OC90: variants seen among roughly 807,000 people sequenced by gnomAD.
OC90 encodes otoconin 90.
A neutral mutation model predicts 47.3 loss-of-function variants in OC90; 46 were observed. The ratio of observed to expected loss-of-function variants is 0.97; its 90% CI spans 0.77 to 1.24. OC90 has a LOEUF of 1.24. OC90 is among the 50% of genes most tolerant of loss of function. The pLI is 0.00. For synonymous variants in OC90, 271 were observed against 219.5 expected, an observed-to-expected ratio of 1.23 and a Z score of -2.07; for missense variants, 688 against 583.9, an observed-to-expected ratio of 1.18 and a Z score of -1.84.
At chr8:132,028,284 A>C (rs1286189919) in intron 13 of OC90, among the ~76,000 whole-genome samples, 3 of 152,046 alleles carry the variant, frequency 2.0e-5, no homozygotes, top group Admixed American at 2.0e-4. Context: ...TGGGCAGATC[A>C]CAAGGTCAGG....
chr8:132,054,924 T>C (rs748655023), intron 2 of OC90, 57 bp downstream of exon 2: 1 of 1,296,036 alleles, frequency 7.7e-7, no homozygotes, highest in African/African-American at 1.5e-5. Flanking sequence ...GGGACAGTAT[T>C]CAAATGAAGT....
chr8:132,037,821 G>T (rs1822991985), intron 8 of OC90, among the ~76,000 whole-genome samples: 1 of 152,180 alleles, frequency 6.6e-6, no homozygotes, highest in Non-Finnish European at 1.5e-5. Context: ...GAGGCAGGGG[G>T]TGTTGAGGAT....
chr8:132,032,912 G>T, intron 11 of OC90, 127 bp downstream of exon 11: 1 of 1,073,022 alleles, frequency 9.3e-7, no homozygotes. Context: ...ATGCAGTCAG[G>T]GGGATGATGT....
At chr8:132,033,014 G>C in intron 11 of OC90, 25 bp downstream of exon 11, 2 of 1,602,718 alleles carry the variant, frequency 1.2e-6, no homozygotes, top group South Asian at 1.1e-5. Context: ...CAGCAGCGGA[G>C]AGGACAGACA....
intron 13 of OC90, among the ~76,000 whole-genome samples, chr8:132,027,722 A>T (rs1393317691): frequency 1.3e-5 from 2 of 152,186 alleles, no homozygotes; most frequent in Admixed American, 6.5e-5. Context: ...CCCTGAAGGG[A>T]TACAGAGGAG....
chr8:132,032,011 T>C lies in OC90; in HGVS notation c.901A>G (p.Asn301Asp). 6.2e-7 allele frequency: 1 copy of C among 1,613,998 alleles called. No individual in the cohort carries two copies. The highest frequency in any genetic ancestry group is 8.5e-7 in the Non-Finnish European group (1 of 1,179,860). ...FTFLHLGSGD[N>D]MQVMPQLGEM... is the part of the protein sequence containing the mutation. ...CCAAGCTGTGGCATCACCTGCATGT[T>C]GTCCCCACTTCCCAGGTGCAGGAAG... Residue 301 changes from asparagine (N) to aspartate (D), a missense_variant, in exon 12 of 14, where the codon AAC (asparagine) becomes GAC (aspartate). Coordinates refer to ENST00000254627, the MANE Select transcript of OC90 (RefSeq NM_001080399.3).
chr8:132,046,688 C>T (rs1823138480), intron 2 of OC90, among the ~76,000 whole-genome samples: 1 of 152,118 alleles, frequency 6.6e-6, no homozygotes, highest in Non-Finnish European at 1.5e-5. Context: ...TTTTTCTTTC[C>T]CCAGCAATAT....
At chr8:132,038,909 C>G in intron 7 of OC90, 78 bp from the exon 8 acceptor site, 1 of 1,607,496 alleles carries the variant, frequency 6.2e-7, no homozygotes, top group Admixed American at 1.7e-5. Flanking sequence ...GACTTGGCAT[C>G]TAGAGACATG....
chr8:132,028,526 A>AAAGAAAAGAAAGAAAG (rs1822797031), intron 13 of OC90, among the ~76,000 whole-genome samples: 2 of 87,470 alleles, frequency 2.3e-5, no homozygotes, highest in African/African-American at 1.0e-4. Flanking sequence ...AGAAAGAAAG[A>AAAGAAAAGAAAGAAAG]AAAGAAAGAA....
rs1472047062 is a variant in OC90, at chr8:132,044,289, G to A, written c.169+144C>T. The A allele has an allele frequency of 2.1e-5, 13 of 623,760 alleles. No homozygotes were observed. In the East Asian group the frequency reaches 2.2e-4, roughly 11 times the overall value. The allele number at this position is 623,760 out of a possible 1,614,324, so 38.6% of individuals were successfully genotyped here. ...AATAAAAGACACCACTACTCTCGTCGGAACTTGGGTCTCCTTGTTGGGAGG... is the reference window on the plus strand; with the variant it reads ...AATAAAAGACACCACTACTCTCGTCAGAACTTGGGTCTCCTTGTTGGGAGG... On this transcript the variant is annotated intron_variant, in intron 4 of 13. Transcript: ENST00000254627.
intron 1 of OC90, 55 bp from the exon 2 acceptor site, chr8:132,055,128 G>T: frequency 1.1e-6 from 1 of 938,054 alleles, no homozygotes; most frequent in South Asian, 1.6e-5. Context: ...TCCCATGAAA[G>T]AACCCATGGG....
intron 13 of OC90, among the ~76,000 whole-genome samples, chr8:132,025,555 A>G (rs1184896697): frequency 6.6e-6 from 1 of 152,282 alleles, no homozygotes; most frequent in East Asian, 1.9e-4. Flanking sequence ...TTGTGCATGC[A>G]GTGATTAGCT....
intron 13 of OC90, among the ~76,000 whole-genome samples, chr8:132,028,597 AGGAGG>A (rs1822804609): frequency 2.9e-5 from 1 of 34,226 alleles, no homozygotes; most frequent in Non-Finnish European, 7.0e-5. Flanking sequence ...GAAGGAAGGA[AGGAGG>A]GAAGGAGGGA....
intron 9 of OC90, among the ~76,000 whole-genome samples, chr8:132,037,075 G>A (rs1822979181): frequency 6.6e-6 from 1 of 152,196 alleles, no homozygotes; most frequent in African/African-American, 2.4e-5. Context: ...AGTTTTATTG[G>A]AACACAGTCA....
chr8:132,048,048 A>T (rs1420342552), intron 2 of OC90, among the ~76,000 whole-genome samples: 1 of 152,212 alleles, frequency 6.6e-6, no homozygotes, highest in African/African-American at 2.4e-5. Context: ...CATAGCACTC[A>T]TCCCTTCTGC....
intron 2 of OC90, among the ~76,000 whole-genome samples, chr8:132,050,767 G>A (rs992208195): frequency 3.9e-5 from 6 of 152,136 alleles, no homozygotes; most frequent in South Asian, 2.1e-4. Context: ...TTGGGAGGCC[G>A]AGGCAGGCAG....
At chr8:132,045,603 A>G (rs1424368769) in intron 3 of OC90, among the ~76,000 whole-genome samples, 1 of 152,126 alleles carries the variant, frequency 6.6e-6, no homozygotes, top group African/African-American at 2.4e-5. Flanking sequence ...TTTGACAGAA[A>G]TTTTTAGACT....
rs543591930 is a variant in OC90 at position 132,047,940 on chromosome 8, G to A, written c.47-2057C>T. Among the ~76,000 whole-genome samples, 246 of 152,296 alleles carry A rather than the reference G, an allele frequency of 1.6e-3. 1 individual carries two copies. Among genetic ancestry groups the A allele is most frequent in the Non-Finnish European group, 2.7e-3 (186 of 68,030 alleles). ...GGCCTTTGGGAGGTGATTAGGTCTT[G>A]AGGCTTTGCATTCATACATGAGATT... On this transcript the variant is annotated intron_variant, in intron 2 of 13. Transcript: ENST00000254627.
At position 132,048,409 on chromosome 8, in the gene OC90, G is replaced by A. The variant is rs192418813; in HGVS notation, c.47-2526C>T. On this transcript the variant is annotated intron_variant, in intron 2 of 13. Transcript: ENST00000254627. Reference sequence around the variant, plus strand: ...AAGGAACTGAGAGCAATTTGGGATGGTTGGAGTATGGAGACTAAGGCAGTC... The same window carrying A: ...AAGGAACTGAGAGCAATTTGGGATGATTGGAGTATGGAGACTAAGGCAGTC... Among the ~76,000 whole-genome samples the A allele has an allele frequency of 1.6e-3, 236 of 146,988 alleles. 3 individuals are homozygous for A. Among genetic ancestry groups the A allele is most frequent in the Middle Eastern group, 6.8e-3 (2 of 292 alleles).
Sources: gnomAD v4.1 joint callset for allele counts (sites outside exome capture counted in the v4.1 genomes callset) on GRCh38, gnomAD v4.1.1 for gene constraint, MANE v1.5 for transcripts, NCBI Gene and HGNC (gene_info 2026-07-23, HGNC 2026-07-21) for gene names.